FRMD6: variants seen among roughly 807,000 people sequenced by gnomAD.
FRMD6 encodes FERM domain-containing protein 6.
In FRMD6, 37 loss-of-function variants were observed where a neutral mutation model predicts 73.2. The observed-to-expected ratio is 0.51, with a 90% confidence interval of 0.39 to 0.66. FRMD6 has a LOEUF of 0.66. Ranked by LOEUF, FRMD6 falls within the 30% of genes least tolerant of loss-of-function variation. FRMD6 has a pLI of 0.00. For synonymous variants in FRMD6, 273 were observed against 282.2 expected (o/e 0.97, Z 0.33); for missense variants, 714 against 780.5 (o/e 0.91, Z 1.02).
chr14:51,595,991 G>A (rs1030604468), intron 2 of FRMD6, among the ~76,000 whole-genome samples: 20 of 152,148 alleles, frequency 1.3e-4, no homozygotes, highest in African/African-American at 4.3e-4. Flanking sequence ...TACTTCTGCT[G>A]TTGAAATCAT....
intron 1 of FRMD6, among the ~76,000 whole-genome samples, chr14:51,675,286 C>G (rs531910310): frequency 2.6e-5 from 4 of 152,034 alleles, no homozygotes; most frequent in Non-Finnish European, 4.4e-5. Context: ...GCTACCTTAG[C>G]AGTCTTGGAT....
At chr14:51,692,501 C>T (rs1313488094) in intron 2 of FRMD6, among the ~76,000 whole-genome samples, 2 of 151,500 alleles carry the variant, frequency 1.3e-5, no homozygotes, top group Non-Finnish European at 3.0e-5. Flanking sequence ...TGTGTACACA[C>T]ACAAGCAGGT....
At chr14:51,399,925 G>C in the FRMD6 span, among the ~76,000 whole-genome samples, 1 of 151,762 alleles carries the variant, frequency 6.6e-6, no homozygotes, top group African/African-American at 2.4e-5. Context: ...TCAATGTGCA[G>C]AGAATGTTGT....
chr14:51,555,908 C>A (rs1254766128), intron 1 of FRMD6, among the ~76,000 whole-genome samples: 2 of 151,912 alleles, frequency 1.3e-5, no homozygotes, highest in South Asian at 4.2e-4. Context: ...CTGCTTACTT[C>A]CTATGTAAGG....
At chr14:51,637,509 G>C (rs995202475) in intron 2 of FRMD6, 3 of 134,668 alleles carry the variant, frequency 2.2e-5, no homozygotes, top group African/African-American at 8.2e-5. Flanking sequence ...ACATATATTT[G>C]GAAGTAAGAA....
intron 2 of FRMD6, among the ~76,000 whole-genome samples, chr14:51,620,030 C>A (rs1890869292): frequency 6.6e-6 from 1 of 152,074 alleles, no homozygotes; most frequent in Non-Finnish European, 1.5e-5. Context: ...GTTAATTCAC[C>A]TTTATGAGCC....
chr14:51,707,779 G>C (rs1896709611), intron 6 of FRMD6, among the ~76,000 whole-genome samples: 1 of 152,094 alleles, frequency 6.6e-6, no homozygotes, highest in South Asian at 2.1e-4. Flanking sequence ...AATTATGAAA[G>C]TTTGTGTAGT....
the FRMD6 span, among the ~76,000 whole-genome samples, chr14:51,483,516 G>A: frequency 2.0e-5 from 3 of 152,324 alleles, no homozygotes; most frequent in Non-Finnish European, 4.4e-5. Flanking sequence ...CCAGGGCAAA[G>A]TCTCTAAGAT....
the FRMD6 span, among the ~76,000 whole-genome samples, chr14:51,426,813 A>G: frequency 0.086 from 13,158 of 152,128 alleles, 604 homozygotes; most frequent in East Asian, 0.12. Context: ...TTGAAGTGGC[A>G]GTGAGGACCC....
At chr14:51,708,630 A>G (rs1896767676) in intron 7 of FRMD6, among the ~76,000 whole-genome samples, 1 of 152,134 alleles carries the variant, frequency 6.6e-6, no homozygotes, top group Admixed American at 6.5e-5. Context: ...CCTGCGTTGT[A>G]TCCGTCAGTT....
the FRMD6 span, among the ~76,000 whole-genome samples, chr14:51,428,318 GT>G: frequency 1.3e-5 from 2 of 152,086 alleles, no homozygotes; most frequent in Admixed American, 6.6e-5. Flanking sequence ...AGGAATTGGT[GT>G]CACGTGCCCA....
intron 2 of FRMD6, among the ~76,000 whole-genome samples, chr14:51,695,485 T>C (rs566312487): frequency 6.6e-6 from 1 of 152,292 alleles, no homozygotes; most frequent in South Asian, 2.1e-4. Flanking sequence ...AAATGTGTTC[T>C]CCAGTGGTGG....
At chr14:51,470,654 T>C in the FRMD6 span, among the ~76,000 whole-genome samples, 1 of 152,248 alleles carries the variant, frequency 6.6e-6, no homozygotes, top group Non-Finnish European at 1.5e-5. Context: ...TTTTTACTTA[T>C]ATGCATTTTA....
intron 2 of FRMD6, among the ~76,000 whole-genome samples, chr14:51,605,222 G>A (rs898951124): frequency 1.6e-5 from 2 of 121,722 alleles, no homozygotes; most frequent in Admixed American, 8.8e-5. Flanking sequence ...CAATAGTGGA[G>A]GGAAGGTCAG....
the FRMD6 span, among the ~76,000 whole-genome samples, chr14:51,473,881 C>T: frequency 6.6e-6 from 1 of 151,684 alleles, no homozygotes; most frequent in Admixed American, 6.6e-5. Flanking sequence ...TTTCCCCTGA[C>T]CTAGAGCTAT....
At chr14:51,628,878 T>TC (rs1491245466) in intron 2 of FRMD6, among the ~76,000 whole-genome samples, 4 of 11,768 alleles carry the variant, frequency 3.4e-4, no homozygotes, top group Non-Finnish European at 1.1e-3. Flanking sequence ...TTTTCTTTTC[T>TC]TTTTTTTTTT....
chr14:51,483,567 C>T, the FRMD6 span, among the ~76,000 whole-genome samples: 18 of 152,100 alleles, frequency 1.2e-4, no homozygotes, highest in Non-Finnish European at 1.6e-4. Flanking sequence ...AAATGGTACC[C>T]GTGGCTGAAA....
At chr14:51,444,439 G>A in the FRMD6 span, among the ~76,000 whole-genome samples, 6 of 152,310 alleles carry the variant, frequency 3.9e-5, no homozygotes, top group South Asian at 1.2e-3. Flanking sequence ...TATGAAACTG[G>A]GGTTACACTG....
At chr14:51,474,179 G>T in the FRMD6 span, among the ~76,000 whole-genome samples, 2 of 152,256 alleles carry the variant, frequency 1.3e-5, no homozygotes, top group African/African-American at 2.4e-5. Context: ...GATTTTAACC[G>T]TGTGTACAGA....
Sources: gnomAD v4.1 joint callset for allele counts (sites outside exome capture counted in the v4.1 genomes callset) on GRCh38, gnomAD v4.1.1 for gene constraint, MANE v1.5 for transcripts, NCBI Gene and HGNC (gene_info 2026-07-23, HGNC 2026-07-21) for gene names.